CD109: variants seen among roughly 807,000 people sequenced by gnomAD.
The protein encoded by CD109 is CD109 antigen.
A neutral mutation model predicts 165.8 loss-of-function variants in CD109; 149 were observed. The ratio of observed to expected loss-of-function variants is 0.90; its 90% confidence interval spans 0.79 to 1.03. CD109 has a LOEUF of 1.03. Among genes scored for constraint, CD109 ranks in the 50% least tolerant of loss-of-function variants. The pLI is 0.00. For synonymous variants in CD109, 585 were observed against 592.1 expected (o/e 0.99, Z 0.18); for missense variants, 1,712 against 1,677.8 (o/e 1.02, Z -0.36).
chr6:73,800,668 G>C (rs1321601807), intron 23 of CD109, among the ~76,000 whole-genome samples: 2 of 152,226 alleles, frequency 1.3e-5, no homozygotes, highest in East Asian at 3.9e-4. Flanking sequence ...AGTTTCTCCT[G>C]TTATGAAGTT....
At chr6:73,794,381 C>T (rs562370739) in intron 23 of CD109, among the ~76,000 whole-genome samples, 2 of 152,210 alleles carry the variant, frequency 1.3e-5, no homozygotes, top group South Asian at 2.1e-4. Flanking sequence ...GGACGGGATG[C>T]TTGAGTATCA....
intron 5 of CD109, among the ~76,000 whole-genome samples, chr6:73,745,906 T>A (rs1239626553): frequency 2.0e-5 from 3 of 152,150 alleles, no homozygotes; most frequent in Non-Finnish European, 4.4e-5. Context: ...ATTTTTGTAT[T>A]TTTAGTAGAG....
chr6:73,762,917 A>G, intron 9 of CD109, 35 bp downstream of exon 9: 1 of 1,552,900 alleles, frequency 6.4e-7, no homozygotes, highest in South Asian at 1.2e-5. Flanking sequence ...AAAACTATTC[A>G]TGTGACACTG....
intron 30 of CD109, among the ~76,000 whole-genome samples, chr6:73,816,897 T>C (rs895624632): frequency 6.6e-6 from 1 of 152,150 alleles, no homozygotes; most frequent in Admixed American, 6.5e-5. Flanking sequence ...TCAGCATTTA[T>C]AGGGGTTCAT....
At chr6:73,807,704 T>A (rs1775617940) in intron 25 of CD109, among the ~76,000 whole-genome samples, 2 of 152,160 alleles carry the variant, frequency 1.3e-5, no homozygotes, top group Non-Finnish European at 2.9e-5. Flanking sequence ...CTAGTAGGCA[T>A]GTAGAAGCTA....
chr6:73,725,863 C>A (rs954111878), intron 3 of CD109, among the ~76,000 whole-genome samples: 5 of 152,174 alleles, frequency 3.3e-5, no homozygotes, highest in African/African-American at 1.2e-4. Context: ...CTCTGACATC[C>A]AGTATTTGTC....
At chr6:73,696,046 A>C, upstream of CD109, 1 of 626,410 alleles carries the variant, frequency 1.6e-6, no homozygotes, top group Non-Finnish European at 2.8e-6. Context: ...TGGAGCCTCC[A>C]AGTCCTGTCT....
chr6:73,743,424 C>T (rs73754670), intron 5 of CD109, among the ~76,000 whole-genome samples: 3,301 of 152,334 alleles, frequency 0.022, 116 homozygotes, highest in African/African-American at 0.074. Context: ...AACTCAGAAG[C>T]AATCTGCATT....
intron 3 of CD109, among the ~76,000 whole-genome samples, chr6:73,730,012 T>A (rs1035030258): frequency 4.6e-5 from 7 of 151,994 alleles, no homozygotes; most frequent in Non-Finnish European, 1.0e-4. Context: ...GAAAAGAAGG[T>A]TGAAGGATGT....
At chr6:73,793,953 G>T (rs1445387694) in intron 23 of CD109, among the ~76,000 whole-genome samples, 2 of 152,042 alleles carry the variant, frequency 1.3e-5, no homozygotes, top group African/African-American at 4.8e-5. Context: ...TATAACAAAT[G>T]GATTAAATGA....
At chr6:73,810,742 C>T (rs780845954) in intron 27 of CD109, among the ~76,000 whole-genome samples, 4 of 152,008 alleles carry the variant, frequency 2.6e-5, no homozygotes, top group Non-Finnish European at 5.9e-5. Context: ...AATAGCATAA[C>T]ATGTGAACTG....
intron 5 of CD109, among the ~76,000 whole-genome samples, chr6:73,750,350 G>A (rs1582100233): frequency 1.3e-5 from 2 of 152,178 alleles, no homozygotes; most frequent in African/African-American, 4.8e-5. Flanking sequence ...GCCATCCAAA[G>A]CAATAGAGAA....
intron 22 of CD109, among the ~76,000 whole-genome samples, chr6:73,790,387 C>T (rs538752271): frequency 3.9e-5 from 6 of 152,286 alleles, no homozygotes; most frequent in Admixed American, 6.5e-5. Flanking sequence ...TGAGCCATTG[C>T]GCCCAGCCTA....
At position 73,805,220 on chromosome 6, in the gene CD109, T is replaced by C. The variant is rs377230302; in HGVS notation, c.2961-1624T>C. Among the ~76,000 whole-genome samples the C allele has an allele frequency of 4.6e-5, 7 of 152,220 alleles. No individual in the cohort carries two copies. In the East Asian group the frequency reaches 7.7e-4, roughly 17 times the overall value. ...TAGGAGACTCCATTTTGTTCTGTAC[T>C]AAGAAAAATTCTTCTGCCTTGAGAT... On this transcript the variant is annotated intron_variant, in intron 24 of 32. Transcript: ENST00000287097.
At chr6:73,693,104 T>G (rs2150138866), upstream of CD109, among the ~76,000 whole-genome samples, 1 of 152,318 alleles carries the variant, frequency 6.6e-6, no homozygotes, top group Admixed American at 6.5e-5. Flanking sequence ...ATCCTGTTTT[T>G]GTCTGTTTTG....
intron 2 of CD109, among the ~76,000 whole-genome samples, chr6:73,699,375 A>T (rs1770973465): frequency 6.6e-6 from 1 of 152,220 alleles, no homozygotes; most frequent in Admixed American, 6.5e-5. Context: ...TTAAAAAAAA[A>T]AGAATTTATA....
intron 5 of CD109, among the ~76,000 whole-genome samples, chr6:73,744,330 T>C (rs1473024039): frequency 6.6e-6 from 1 of 152,248 alleles, no homozygotes; most frequent in Non-Finnish European, 1.5e-5. Flanking sequence ...ATAGAGCTTC[T>C]TCTAGATGAT....
intron 5 of CD109, among the ~76,000 whole-genome samples, chr6:73,756,046 T>TAAGA (rs1773378118): frequency 6.6e-6 from 1 of 152,184 alleles, no homozygotes; most frequent in Non-Finnish European, 1.5e-5. Context: ...CCACGTTTTC[T>TAAGA]TGTTGATTGT....
chr6:73,738,183 T>TGTTA (rs1772618905), intron 5 of CD109, among the ~76,000 whole-genome samples: 1 of 152,244 alleles, frequency 6.6e-6, no homozygotes, highest in Admixed American at 6.5e-5. Context: ...GAGGGTTTAT[T>TGTTA]GTTAGCACAA....
Sources: allele counts gnomAD v4.1 joint callset (sites outside exome capture counted in the v4.1 genomes callset), GRCh38; gene constraint gnomAD v4.1.1; transcripts MANE v1.5; gene names NCBI Gene and HGNC (gene_info 2026-07-23, HGNC 2026-07-21).